The following MYLK variants were observed in gnomAD, a reference collection of about 807,000 sequenced individuals.
MYLK encodes myosin light chain kinase.
MYLK carries 106 observed loss-of-function variants against 203.4 expected under a neutral mutation model. The ratio of observed to expected loss-of-function variants is 0.52; its 90% CI spans 0.45 to 0.61. The LOEUF is 0.61. Ranked by LOEUF, MYLK falls within the 20% of genes least tolerant of loss-of-function variation. The pLI, the probability that MYLK is intolerant of heterozygous loss-of-function variation, is 0.00. For missense variants in MYLK, 2,072 were observed against 2,442.3 expected (o/e 0.85, Z 3.20); for synonymous variants, 867 against 959.5 (o/e 0.90, Z 1.78).
chr3:123,733,730 G>C lies in MYLK; in HGVS notation c.1266C>G (p.Ser422Arg), dbSNP rs748217003. The C allele has an allele frequency of 4.3e-6, 7 of 1,614,052 alleles. No individual in the cohort carries two copies. Reference protein sequence around the residue: ...AFPKFESKPQSQEVKENQTVK... With the variant: ...AFPKFESKPQRQEVKENQTVK... Reference sequence around the variant, plus strand: ...CAGTTTGATTTTCCTTGACCTCCTGGCTTTGGGGCTTGCTCTCAAATTTGG... The same window carrying C: ...CAGTTTGATTTTCCTTGACCTCCTGCCTTTGGGGCTTGCTCTCAAATTTGG... Residue 422 changes from serine to arginine, a missense_variant, in exon 10 of 34, where the codon AGC (serine) becomes AGG (arginine). Physicochemically the swap from Ser to Arg is moderately radical, Grantham distance 110. This residue lies in a region of MYLK where 683 missense variants were observed against 643.8 expected (regional missense o/e 1.06). Coordinates refer to ENST00000360304, the MANE Select transcript of MYLK (RefSeq NM_053025.4).
chr3:123,834,556 G>T (rs572501866), intron 2 of MYLK, among the ~76,000 whole-genome samples: 1 of 151,980 alleles, frequency 6.6e-6, no homozygotes, highest in Non-Finnish European at 1.5e-5. Flanking sequence ...CAGGTTGCAC[G>T]GGGTTAAGGG....
chr3:123,733,193 A>C, intron 10 of MYLK, 91 bp from the exon 11 acceptor site: 1 of 1,419,900 alleles, frequency 7.0e-7, no homozygotes. Context: ...AGCTGGAGGA[A>C]AGGGCTCAGT....
chr3:123,766,263 T>C (rs1365825759), intron 4 of MYLK, among the ~76,000 whole-genome samples: 2 of 152,250 alleles, frequency 1.3e-5, no homozygotes, highest in Non-Finnish European at 2.9e-5. Flanking sequence ...CTCATTGTGC[T>C]ATGAATAAGA....
intron 2 of MYLK, among the ~76,000 whole-genome samples, chr3:123,871,115 G>A (rs1386528199): frequency 6.6e-6 from 1 of 152,062 alleles, no homozygotes; most frequent in Non-Finnish European, 1.5e-5. Flanking sequence ...TGCTGGTAAG[G>A]CTTTTACTAA....
At position 123,614,264 on chromosome 3, in the gene MYLK, G is replaced by C. The variant is rs563208285; in HGVS notation, c.5586C>G (p.Asp1862Glu). The change falls in exon 34 of 34, where the codon GAC becomes GAG. Residue 1862 changes from aspartate (D) to glutamate (E), a missense_variant. Asp to Glu is a conservative substitution (Grantham distance 45). This residue lies in a region of MYLK where 524 missense variants were observed against 782.4 expected (regional missense o/e 0.67). Transcript: ENST00000360304. Reference sequence around the variant, plus strand: ...CACTAATAATTAAAGAGCAGTTCCCGTCCTCATCGTAGTCTATCTGGAAGT... The same window carrying C: ...CACTAATAATTAAAGAGCAGTTCCCCTCCTCATCGTAGTCTATCTGGAAGT... Reference protein sequence around the residue: ...SRHFQIDYDEDGNCSLIISDV... With the variant: ...SRHFQIDYDEEGNCSLIISDV... 4 of 1,614,064 alleles carry C rather than the reference G, an allele frequency of 2.5e-6. No homozygotes were observed. In the African/African-American group the frequency reaches 5.3e-5, roughly 22 times the overall value.
chr3:123,798,940 G>A (rs998762499), intron 3 of MYLK, among the ~76,000 whole-genome samples: 1 of 152,188 alleles, frequency 6.6e-6, no homozygotes, highest in Non-Finnish European at 1.5e-5. Flanking sequence ...CTAATCCCTT[G>A]TCAAGCCTGT....
intron 4 of MYLK, among the ~76,000 whole-genome samples, chr3:123,756,726 T>C (rs2063371109): frequency 6.6e-6 from 1 of 152,140 alleles, no homozygotes; most frequent in Admixed American, 6.5e-5. Flanking sequence ...TAGACAGCCC[T>C]GAGTTTTCAC....
At chr3:123,669,668 T>C (rs2059848457) in intron 20 of MYLK, among the ~76,000 whole-genome samples, 1 of 152,062 alleles carries the variant, frequency 6.6e-6, no homozygotes. Flanking sequence ...TGTGTGTGTA[T>C]ATATACATGT....
chr3:123,618,428 G>A (rs1369594064), intron 33 of MYLK: 3 of 580,592 alleles, frequency 5.2e-6, no homozygotes, highest in African/African-American at 1.9e-5. Flanking sequence ...GCCCCCTGGG[G>A]AAGTGACTGA....
intron 28 of MYLK, 87 bp from the exon 29 acceptor site, chr3:123,638,281 C>A (rs766259732): frequency 6.2e-5 from 98 of 1,588,734 alleles, no homozygotes; most frequent in Non-Finnish European, 7.5e-5. Context: ...TGTGTTGACC[C>A]CAACCTGGGA....
chr3:123,774,145 C>T (rs1018975448), intron 4 of MYLK, among the ~76,000 whole-genome samples: 5 of 152,320 alleles, frequency 3.3e-5, no homozygotes, highest in Non-Finnish European at 5.9e-5. Flanking sequence ...GCTGGCAGAC[C>T]TCTGGAAAGA....
rs1315968900 is a variant in MYLK, at chr3:123,629,390, C to A, written c.5114+84G>T. 6.4e-7 allele frequency: 1 copy of A among 1,565,604 alleles called. No individual in the cohort carries two copies. The highest frequency in any genetic ancestry group is 8.8e-7 in the Non-Finnish European group (1 of 1,142,396). Reference sequence around the variant, plus strand: ...CCAAGGCGGGGTGGCAAGGAGGGCACCCCAACAGGCAAAGGAATCCCCCTT... The same window carrying A: ...CCAAGGCGGGGTGGCAAGGAGGGCAACCCAACAGGCAAAGGAATCCCCCTT... On this transcript the variant is annotated intron_variant, in intron 30 of 33. Transcript: ENST00000360304. This position sits in a 1 kb window ranked among gnomAD's most constrained non-coding sequence, Gnocchi z 4.4.
chr3:123,806,039 C>A (rs1406587524), intron 3 of MYLK, among the ~76,000 whole-genome samples: 1 of 152,118 alleles, frequency 6.6e-6, no homozygotes, highest in Non-Finnish European at 1.5e-5. Context: ...ACAAACATTG[C>A]CCTATATATC....
chr3:123,738,348 G>C (rs1261100068), intron 7 of MYLK, among the ~76,000 whole-genome samples: 1 of 152,160 alleles, frequency 6.6e-6, no homozygotes, highest in Non-Finnish European at 1.5e-5. Context: ...TGTGGTCTGA[G>C]TAACAGAGGG....
chr3:123,667,683 C>T (rs1056776734), intron 20 of MYLK, among the ~76,000 whole-genome samples: 11 of 151,974 alleles, frequency 7.2e-5, no homozygotes, highest in African/African-American at 2.7e-4. Flanking sequence ...GACAACCTCA[C>T]AGACAAAAAA....
intron 20 of MYLK, among the ~76,000 whole-genome samples, chr3:123,677,073 C>T (rs1457396280): frequency 6.6e-6 from 1 of 152,030 alleles, no homozygotes; most frequent in Non-Finnish European, 1.5e-5. Flanking sequence ...CTGGGACTCC[C>T]CTAAACCTGT....
At chr3:123,846,663 C>T (rs2030038149) in intron 2 of MYLK, among the ~76,000 whole-genome samples, 1 of 152,166 alleles carries the variant, frequency 6.6e-6, no homozygotes, top group Admixed American at 6.6e-5. Context: ...ACTGTCATTC[C>T]ATATGCTCAT....
At chr3:123,644,176 T>C (rs1459793708) in intron 27 of MYLK, among the ~76,000 whole-genome samples, 1 of 152,226 alleles carries the variant, frequency 6.6e-6, no homozygotes, top group Non-Finnish European at 1.5e-5. Context: ...ATCATCCTTC[T>C]TTTAATCTCA....
chr3:123,697,388 A>G (rs62264588), intron 18 of MYLK, among the ~76,000 whole-genome samples: 15,363 of 152,276 alleles, frequency 0.1, 880 homozygotes, highest in South Asian at 0.16. Flanking sequence ...TGGCAAGGCT[A>G]GGGGCACCAT....
Sources: gnomAD v4.1 joint callset for allele counts (sites outside exome capture counted in the v4.1 genomes callset) on GRCh38, gnomAD v4.1.1 for gene constraint, gnomAD v4.1.1 regional missense constraint, Gnocchi (gnomAD v3.1) non-coding constraint, MANE v1.5 for transcripts, NCBI Gene and HGNC (gene_info 2026-07-23, HGNC 2026-07-21) for gene names.